The following DSCAM variants were observed in gnomAD, a reference collection of about 807,000 sequenced individuals.
DSCAM encodes DS cell adhesion molecule.
In DSCAM, 47 loss-of-function variants were observed where a neutral mutation model predicts 217.7. The observed-to-expected ratio is 0.22, with a 90% CI of 0.17 to 0.28. The LOEUF is 0.28. Among genes scored for constraint, DSCAM ranks in the 10% least tolerant of loss-of-function variants. The pLI, the probability that DSCAM is intolerant of heterozygous loss-of-function variation, is 1.00. For synonymous variants in DSCAM, 1,056 were observed against 1,015.3 expected (o/e 1.04, Z -0.76); for missense variants, 2,080 against 2,618.3 (o/e 0.79, Z 4.49).
chr21:40,063,410 T>A (rs2089153720), intron 27 of DSCAM, among the ~76,000 whole-genome samples: 1 of 152,152 alleles, frequency 6.6e-6, no homozygotes, highest in South Asian at 2.1e-4. Context: ...AACTTTATTT[T>A]TTTTTTCTCT....
chr21:40,698,489 G>C (rs1308252052), intron 2 of DSCAM, among the ~76,000 whole-genome samples: 1 of 152,158 alleles, frequency 6.6e-6, no homozygotes, highest in Non-Finnish European at 1.5e-5. Context: ...TGAGGAACTG[G>C]GGGAGGGACT....
intron 15 of DSCAM, among the ~76,000 whole-genome samples, chr21:40,169,567 T>C (rs1342323757): frequency 1.3e-5 from 2 of 152,070 alleles, no homozygotes; most frequent in East Asian, 3.9e-4. Flanking sequence ...AGGTCAGGGC[T>C]GGCGGGACTG....
chr21:40,804,662 C>T (rs2091770349), intron 1 of DSCAM, among the ~76,000 whole-genome samples: 1 of 152,196 alleles, frequency 6.6e-6, no homozygotes, highest in South Asian at 2.1e-4. Flanking sequence ...TGTTCCTTCT[C>T]AGTCTTCTTT....
At chr21:40,721,920 A>G (rs2090904906) in intron 1 of DSCAM, among the ~76,000 whole-genome samples, 1 of 152,152 alleles carries the variant, frequency 6.6e-6, no homozygotes, top group African/African-American at 2.4e-5. Context: ...CAACCAGATT[A>G]AAAAATAAAT....
At chr21:40,085,564 T>G (rs767139293) in intron 23 of DSCAM, 38 bp downstream of exon 23, 1 of 1,445,276 alleles carries the variant, frequency 6.9e-7, no homozygotes, top group South Asian at 1.6e-5. Flanking sequence ...AGCATACATG[T>G]AAAAGATATC....
chr21:40,617,215 C>T (rs867460939), intron 3 of DSCAM, among the ~76,000 whole-genome samples: 4 of 149,216 alleles, frequency 2.7e-5, no homozygotes, highest in South Asian at 2.1e-4. Context: ...GCTCCCCCTC[C>T]CAGGTTCACG....
chr21:40,522,959 A>C (rs1018993493), intron 3 of DSCAM, among the ~76,000 whole-genome samples: 1 of 152,138 alleles, frequency 6.6e-6, no homozygotes, highest in African/African-American at 2.4e-5. Context: ...TGTTGATTTC[A>C]TGTTTCGCTT....
rs546508622 is a variant in DSCAM, at chr21:40,011,598, A to G, written c.*1436T>C. The G allele has an allele frequency of 1.7e-4, 23 of 136,888 alleles. No individual in the cohort carries two copies. The highest frequency in any genetic ancestry group is 6.3e-4 in the African/African-American group (23 of 36,564). The allele number at this position is 136,888 out of a possible 1,614,324, so 8.5% of individuals were successfully genotyped here. ...AATGGAGTGTTGCAGCCAGGGGAGGATTACATCCTCTTTCATAAAGCAAAC... is the reference window on the plus strand; with the variant it reads ...AATGGAGTGTTGCAGCCAGGGGAGGGTTACATCCTCTTTCATAAAGCAAAC... On this transcript the variant is annotated 3_prime_UTR_variant, in exon 33 of 33. Transcript: ENST00000400454.
intron 21 of DSCAM, among the ~76,000 whole-genome samples, chr21:40,090,424 G>T (rs576060537): frequency 2.6e-4 from 40 of 151,998 alleles, no homozygotes; most frequent in Non-Finnish European, 5.3e-4. Flanking sequence ...CCTGACTCAG[G>T]CTCATTTCTG....
chr21:40,523,740 G>C (rs890026222), intron 3 of DSCAM, among the ~76,000 whole-genome samples: 2 of 152,120 alleles, frequency 1.3e-5, no homozygotes, highest in African/African-American at 4.8e-5. Context: ...GAGTCTAATT[G>C]ATCTGATACG....
intron 3 of DSCAM, among the ~76,000 whole-genome samples, chr21:40,404,285 A>T (rs2075262807): frequency 6.6e-6 from 1 of 152,240 alleles, no homozygotes; most frequent in Non-Finnish European, 1.5e-5. Flanking sequence ...AGCAAAGTGA[A>T]ACAGTTAAGA....
At chr21:40,086,087 C>G (rs2146574058) in intron 22 of DSCAM, among the ~76,000 whole-genome samples, 1 of 152,294 alleles carries the variant, frequency 6.6e-6, no homozygotes, top group Non-Finnish European at 1.5e-5. Flanking sequence ...CTGGAGATAT[C>G]CTCATTTTGG....
At chr21:40,331,484 C>T (rs1400872838) in intron 8 of DSCAM, among the ~76,000 whole-genome samples, 1 of 152,186 alleles carries the variant, frequency 6.6e-6, no homozygotes, top group Non-Finnish European at 1.5e-5. Flanking sequence ...AACAGCAATA[C>T]AGCAAGACAT....
At position 40,840,702 on chromosome 21, in the gene DSCAM, G is replaced by A. The variant is rs544446536; in HGVS notation, c.43+5917C>T. Among the ~76,000 whole-genome samples the A allele has an allele frequency of 2.6e-5, 4 of 152,236 alleles. No homozygotes were observed. In the East Asian group the frequency reaches 5.8e-4, roughly 22 times the overall value. ...TTTCTGGAAAATAAACATTTCTACC[G>A]TGATTGAGTCACTACGACAGAAAAA... On this transcript the variant is annotated intron_variant, in intron 1 of 32. Coordinates refer to ENST00000400454, the MANE Select transcript of DSCAM (RefSeq NM_001389.5).
intron 3 of DSCAM, among the ~76,000 whole-genome samples, chr21:40,406,099 G>A (rs775663512): frequency 3.9e-5 from 6 of 152,246 alleles, no homozygotes; most frequent in South Asian, 4.1e-4. Flanking sequence ...CCGCAATAAC[G>A]TATCACCTCA....
At chr21:40,730,133 C>T (rs576097984) in intron 1 of DSCAM, among the ~76,000 whole-genome samples, 51 of 152,300 alleles carry the variant, frequency 3.3e-4, no homozygotes, top group African/African-American at 1.1e-3. Flanking sequence ...ACCTAATATG[C>T]ACCAGCTGTG....
chr21:40,389,790 C>A (rs2075117747), intron 3 of DSCAM, among the ~76,000 whole-genome samples: 1 of 152,190 alleles, frequency 6.6e-6, no homozygotes, highest in South Asian at 2.1e-4. Context: ...TACCCAATGG[C>A]CATGCCACGT....
intron 11 of DSCAM, among the ~76,000 whole-genome samples, chr21:40,223,694 A>G (rs2091308104): frequency 6.6e-6 from 1 of 152,232 alleles, no homozygotes; most frequent in African/African-American, 2.4e-5. Context: ...TGCCTAGGCT[A>G]TATTTCAATG....
At chr21:40,108,849 A>G (rs940076535) in intron 20 of DSCAM, among the ~76,000 whole-genome samples, 3 of 152,164 alleles carry the variant, frequency 2.0e-5, no homozygotes, top group African/African-American at 7.2e-5. Flanking sequence ...AAGACTGCAC[A>G]TCTACAACTA....
Sources: gnomAD v4.1 joint callset for allele counts (sites outside exome capture counted in the v4.1 genomes callset) on GRCh38, gnomAD v4.1.1 for gene constraint, MANE v1.5 for transcripts, NCBI Gene and HGNC (gene_info 2026-07-23, HGNC 2026-07-21) for gene names.